The following SETD5 variants were observed in gnomAD, a reference collection of about 807,000 sequenced individuals.
SETD5 encodes the protein SET domain containing 5.
In SETD5, 44 loss-of-function variants were observed where a neutral mutation model predicts 153.3. That is an observed-to-expected ratio of 0.29 (90% CI 0.23 to 0.37). SETD5 has a LOEUF of 0.37. SETD5 is among the 10% of genes least tolerant of loss of function. SETD5 has a pLI of 1.00. For missense variants in SETD5, 1,544 were observed against 1,768.0 expected (o/e 0.87, Z 2.27); for synonymous variants, 716 against 645.2 (o/e 1.11, Z -1.66).
rs537534891 is a variant in SETD5, at chr3:9,403,779, TTA to T, written c.-177+5804_-177+5805del. 4.5e-3 allele frequency among the ~76,000 whole-genome samples: 687 copies of T among 152,322 alleles called. 4 individuals carry two copies. Among genetic ancestry groups the T allele is most frequent in the Non-Finnish European group, 7.2e-3 (491 of 68,026 alleles). On this transcript the variant is annotated intron_variant, in intron 1 of 22. Coordinates refer to ENST00000402198, the MANE Select transcript of SETD5 (RefSeq NM_001080517.3). ...CATAGAGTTGGAAAAGATCTGTTGG[TTA>T]TCTGGTCCTTTAAACCAAAATCATA...
At chr3:9,444,973 T>C in intron 11 of SETD5, 75 bp from the exon 12 acceptor site, 1 of 1,541,662 alleles carries the variant, frequency 6.5e-7, no homozygotes, top group Middle Eastern at 1.9e-4. Flanking sequence ...ACTGATATTT[T>C]AAGAGGGTGA....
At chr3:9,416,116 G>T (rs1397243172) in intron 1 of SETD5, among the ~76,000 whole-genome samples, 3 of 152,122 alleles carry the variant, frequency 2.0e-5, no homozygotes, top group African/African-American at 7.2e-5. Context: ...GTGACACTCA[G>T]TGTTATTATT....
intron 17 of SETD5, among the ~76,000 whole-genome samples, chr3:9,457,065 A>G (rs2043346593): frequency 6.6e-6 from 1 of 152,238 alleles, no homozygotes; most frequent in African/African-American, 2.4e-5. Flanking sequence ...TAAGTTCCTA[A>G]AAGCTGAAAC....
intron 19 of SETD5, 73 bp from the exon 20 acceptor site, chr3:9,473,163 C>T: frequency 1.3e-6 from 2 of 1,496,486 alleles, no homozygotes; most frequent in Non-Finnish European, 9.0e-7. Context: ...TCCTTCTTTC[C>T]CTGTTGCTGG....
chr3:9,466,956 G>A (rs1028187502), intron 18 of SETD5, among the ~76,000 whole-genome samples: 1 of 152,040 alleles, frequency 6.6e-6, no homozygotes, highest in Non-Finnish European at 1.5e-5. Flanking sequence ...TTAAGACCAG[G>A]AGTTTAAGAC....
intron 1 of SETD5, among the ~76,000 whole-genome samples, chr3:9,410,017 T>C (rs1408461666): frequency 6.6e-6 from 1 of 152,192 alleles, no homozygotes; most frequent in Non-Finnish European, 1.5e-5. Context: ...CCTTTAGAGA[T>C]AGAGATAGTC....
At chr3:9,422,590 G>A (rs995219528) in intron 1 of SETD5, among the ~76,000 whole-genome samples, 3 of 152,154 alleles carry the variant, frequency 2.0e-5, no homozygotes, top group African/African-American at 7.2e-5. Context: ...AGTAAAAAAT[G>A]TTCAGTATTT....
intron 17 of SETD5, among the ~76,000 whole-genome samples, chr3:9,456,956 T>A (rs544833098): frequency 9.3e-5 from 14 of 150,460 alleles, no homozygotes; most frequent in Admixed American, 8.0e-4. Context: ...AGCCTGGCAA[T>A]AGAGTGAGAC....
chr3:9,434,192 C>CT lies in SETD5; in HGVS notation c.178-140dup, dbSNP rs766263824. ...GCCAAAAAACAAAGGGTACTACTTTCTTCTTTCTTTCCATATGTACCATAC... is the reference window on the plus strand; with the variant it reads ...GCCAAAAAACAAAGGGTACTACTTTCTTTCTTTCTTTCCATATGTACCATAC... On this transcript the variant is annotated intron_variant, in intron 4 of 22. Transcript: ENST00000402198. The surrounding 1 kb of genome is among the most constrained non-coding windows in gnomAD (Gnocchi z 5.6). 5.7e-5 allele frequency: 88 copies of CT among 1,549,868 alleles called. No individual in the cohort carries two copies. The highest frequency in any genetic ancestry group is 7.5e-5 in the Non-Finnish European group (86 of 1,144,448).
chr3:9,453,138 G>A (rs530987863), intron 16 of SETD5, among the ~76,000 whole-genome samples: 36 of 151,772 alleles, frequency 2.4e-4, no homozygotes, highest in African/African-American at 8.7e-4. Flanking sequence ...AGCTCATTTC[G>A]TGATTTGCAT....
At chr3:9,399,725 T>C (rs1332290588) in intron 1 of SETD5, among the ~76,000 whole-genome samples, 1 of 151,922 alleles carries the variant, frequency 6.6e-6, no homozygotes, top group Non-Finnish European at 1.5e-5. Context: ...ATTTGGTAAA[T>C]GTTGATTTTT....
chr3:9,462,604 A>G (rs898890932), intron 17 of SETD5, among the ~76,000 whole-genome samples: 1 of 145,472 alleles, frequency 6.9e-6, no homozygotes, highest in African/African-American at 2.6e-5. Context: ...AAAAAAAAGA[A>G]AAAAAGAATA....
rs2040346828 is a variant in SETD5, at chr3:9,434,626, A to G, written c.329+141A>G. The stretch of plus-strand genomic sequence containing the variant: ...GTGCTCCTTGGCTCGAATTCTCTGC[A>G]CTAGGTGAGAATTGCTGACAACAAG... On this transcript the variant is annotated intron_variant, in intron 5 of 22. Transcript: ENST00000402198. This position sits in a 1 kb window ranked among gnomAD's most constrained non-coding sequence, Gnocchi z 5.6. The G allele has an allele frequency of 6.7e-7, 1 of 1,482,154 alleles. No individual in the cohort carries two copies. Among genetic ancestry groups the G allele is most frequent in the African/African-American group, 1.4e-5 (1 of 70,892 alleles). 91.8% of individuals were successfully genotyped at this position (1,482,154 alleles called of 1,614,324 possible).
At chr3:9,431,742 C>G (rs929672027) in intron 3 of SETD5, 7 of 984,700 alleles carry the variant, frequency 7.1e-6, no homozygotes, top group Non-Finnish European at 8.4e-6. Flanking sequence ...CATATTTACC[C>G]GTTTGGAGAT....
rs999952212 is a variant in SETD5 at position 9,445,222 on chromosome 3, G to C, written c.1362G>C (p.Gln454His). The C allele has an allele frequency of 1.2e-6, 2 of 1,613,104 alleles. No individual in the cohort carries two copies. Among genetic ancestry groups the C allele is most frequent in the Admixed American group, 1.7e-5 (1 of 59,818 alleles). The change falls in exon 12 of 23, where the codon CAG becomes CAC. Residue 454 changes from glutamine (Q) to histidine (H), a missense_variant. Physicochemically the swap from Gln to His is conservative, Grantham distance 24. Transcript: ENST00000402198. ...ARRKELEMEQ[Q>H]NEASEENNDQ... Reference sequence around the variant, plus strand: ...GGAAAGAGCTAGAGATGGAGCAGCAGAATGAGGCTTCAGAGGAGAATAATG... The same window carrying C: ...GGAAAGAGCTAGAGATGGAGCAGCACAATGAGGCTTCAGAGGAGAATAATG...
At chr3:9,414,310 G>A (rs748872983) in intron 1 of SETD5, among the ~76,000 whole-genome samples, 5 of 152,178 alleles carry the variant, frequency 3.3e-5, no homozygotes, top group Non-Finnish European at 7.4e-5. Flanking sequence ...GTGAAAAGCA[G>A]TCTTGAATCT....
chr3:9,438,946 T>G (rs890465283), intron 7 of SETD5, among the ~76,000 whole-genome samples: 1 of 152,172 alleles, frequency 6.6e-6, no homozygotes, highest in Non-Finnish European at 1.5e-5. Flanking sequence ...TAAACCCAAC[T>G]GAGGTAGAGT....
At chr3:9,443,539 C>G in intron 11 of SETD5, 122 bp downstream of exon 11, 1 of 532,704 alleles carries the variant, frequency 1.9e-6, no homozygotes, top group South Asian at 7.9e-5. Flanking sequence ...CTTTTCATGA[C>G]TAATGAATTT....
At chr3:9,455,891 T>A (rs1427620491) in intron 17 of SETD5, among the ~76,000 whole-genome samples, 2 of 152,184 alleles carry the variant, frequency 1.3e-5, no homozygotes, top group Non-Finnish European at 2.9e-5. Context: ...GTTGAGCTTC[T>A]GCCCTAGTCT....
Sources: allele counts gnomAD v4.1 joint callset (sites outside exome capture counted in the v4.1 genomes callset), GRCh38; gene constraint gnomAD v4.1.1; non-coding constraint Gnocchi (gnomAD v3.1); transcripts MANE v1.5; gene names NCBI Gene and HGNC (gene_info 2026-07-23, HGNC 2026-07-21).